The following DPH6 variants were observed in gnomAD, a reference collection of about 807,000 sequenced individuals.
DPH6 encodes the protein diphthamine biosynthesis 6.
A neutral mutation model predicts 38.2 loss-of-function variants in DPH6; 33 were observed. The ratio of observed to expected loss-of-function variants is 0.86; its 90% CI spans 0.65 to 1.15. The LOEUF (loss-of-function observed/expected upper bound fraction) is 1.15, where lower values mean the gene tolerates loss of function less well. Ranked by LOEUF, DPH6 falls within the 50% of genes most tolerant of loss-of-function variation. The probability of loss-of-function intolerance (pLI) is 0.00; values close to 1 mark genes in which losing one functional copy is unlikely to be tolerated. For missense variants in DPH6, 325 were observed against 320.0 expected (o/e 1.02, Z -0.12); for synonymous variants, 108 against 103.0 (o/e 1.05, Z -0.30).
chr15:35,279,919 A>T (rs573742303), intron 3 of DPH6, among the ~76,000 whole-genome samples: 2 of 152,206 alleles, frequency 1.3e-5, no homozygotes, highest in South Asian at 4.2e-4. Flanking sequence ...AGCTAATCCA[A>T]TAGGACTGAT....
chr15:35,223,522 T>C (rs565908720), intron 3 of DPH6, among the ~76,000 whole-genome samples: 4 of 152,198 alleles, frequency 2.6e-5, no homozygotes, highest in Admixed American at 1.3e-4. Context: ...CCGTCTCTAC[T>C]AAAAATACAA....
At chr15:35,540,771 T>TTA (rs1260987803) in intron 2 of DPH6, among the ~76,000 whole-genome samples, 1 of 152,252 alleles carries the variant, frequency 6.6e-6, no homozygotes, top group African/African-American at 2.4e-5. Flanking sequence ...ACAAGGAAGA[T>TTA]TATATATTAA....
At chr15:35,168,278 T>C in the DPH6 span, among the ~76,000 whole-genome samples, 1 of 152,082 alleles carries the variant, frequency 6.6e-6, no homozygotes, top group Non-Finnish European at 1.5e-5. Context: ...AACTGGCCTA[T>C]ATTTTATTTT....
intron 3 of DPH6, chr15:35,538,027 C>T (rs547855015): frequency 4.3e-4 from 118 of 274,504 alleles, no homozygotes; most frequent in African/African-American, 2.5e-3. Flanking sequence ...GAACAGAAAA[C>T]TTATTTTAAT....
At chr15:35,476,948 G>A (rs2054270998) in intron 3 of DPH6, among the ~76,000 whole-genome samples, 1 of 151,486 alleles carries the variant, frequency 6.6e-6, no homozygotes, top group African/African-American at 2.4e-5. Context: ...AACATTTTCT[G>A]CTCTAAAAAT....
At chr15:35,356,018 C>T (rs1255701838) in intron 3 of DPH6, among the ~76,000 whole-genome samples, 2 of 152,204 alleles carry the variant, frequency 1.3e-5, no homozygotes, top group African/African-American at 4.8e-5. Context: ...TCTGTTCTCA[C>T]TTCATTTCAT....
At chr15:35,500,428 A>G (rs943075716) in intron 3 of DPH6, among the ~76,000 whole-genome samples, 2 of 152,194 alleles carry the variant, frequency 1.3e-5, no homozygotes, top group African/African-American at 4.8e-5. Flanking sequence ...TCAGAACTGC[A>G]TCTGCCTGGT....
At chr15:35,377,551 G>A (rs994190711) in intron 7 of DPH6, among the ~76,000 whole-genome samples, 1 of 152,068 alleles carries the variant, frequency 6.6e-6, no homozygotes, top group South Asian at 2.1e-4. Context: ...TAATAAGAGA[G>A]CAGGTTTCTA....
intron 3 of DPH6, among the ~76,000 whole-genome samples, chr15:35,510,252 A>G (rs1159110769): frequency 6.6e-6 from 1 of 152,132 alleles, no homozygotes; most frequent in African/African-American, 2.4e-5. Context: ...GATGATGGTC[A>G]CATTTGACTA....
intron 3 of DPH6, among the ~76,000 whole-genome samples, chr15:35,481,036 G>T (rs1391204546): frequency 6.6e-6 from 1 of 151,692 alleles, no homozygotes; most frequent in African/African-American, 2.4e-5. Flanking sequence ...TTGTCCAACA[G>T]AACTTTTTGT....
chr15:35,490,634 A>G (rs2054463989), intron 3 of DPH6, among the ~76,000 whole-genome samples: 1 of 152,182 alleles, frequency 6.6e-6, no homozygotes, highest in Non-Finnish European at 1.5e-5. Flanking sequence ...CTTCACTACA[A>G]TATCAACAAC....
intron 3 of DPH6, among the ~76,000 whole-genome samples, chr15:35,235,068 A>T (rs1185655364): frequency 1.3e-5 from 2 of 152,190 alleles, no homozygotes; most frequent in East Asian, 3.8e-4. Context: ...GTATCTGGGA[A>T]ACAACCTTTA....
At chr15:35,207,460 G>C in the DPH6 span, among the ~76,000 whole-genome samples, 1 of 152,074 alleles carries the variant, frequency 6.6e-6, no homozygotes, top group Non-Finnish European at 1.5e-5. Flanking sequence ...AGAACCAAAA[G>C]ATTCCTGGAA....
At chr15:35,532,433 T>C (rs902650008) in intron 3 of DPH6, among the ~76,000 whole-genome samples, 2 of 152,092 alleles carry the variant, frequency 1.3e-5, no homozygotes, top group African/African-American at 4.8e-5. Flanking sequence ...TTAGAAGTCA[T>C]ACCAGCATTA....
At chr15:35,440,523 A>T (rs543675295) in intron 5 of DPH6, among the ~76,000 whole-genome samples, 26 of 152,176 alleles carry the variant, frequency 1.7e-4, no homozygotes, top group Admixed American at 1.0e-3. Context: ...GGGAGATCTG[A>T]TTCTGTCTTC....
the DPH6 span, among the ~76,000 whole-genome samples, chr15:35,177,619 A>G: frequency 1.4e-5 from 2 of 147,416 alleles, no homozygotes; most frequent in African/African-American, 5.0e-5. Context: ...CATCATCATC[A>G]TCATCATCAT....
intron 3 of DPH6, among the ~76,000 whole-genome samples, chr15:35,515,406 A>C (rs1287201300): frequency 1.3e-5 from 2 of 151,892 alleles, no homozygotes; most frequent in East Asian, 3.9e-4. Flanking sequence ...CAGCCTGGGT[A>C]ACACAACAAG....
In DPH6 at chr15:35,365,872, C is replaced by A. The variant is rs913547969; in HGVS notation, n.207+7649G>T. 4 of 985,152 alleles carry A rather than the reference C, an allele frequency of 4.1e-6. No homozygotes were observed. The African/African-American group carries it at 7.0e-5, about 17-fold the overall frequency. The allele number at this position is 985,152 out of a possible 1,614,324, so 61.0% of individuals were successfully genotyped here. ...CCCAGCAGTACCTACAGCCCAGCAC[C>A]CATTCAAGCCCCAAGTTGTCTCATT... On this transcript the variant is annotated intron_variant and non_coding_transcript_variant, in intron 3 of 3. Transcript: ENST00000558973.
intron 5 of DPH6, among the ~76,000 whole-genome samples, chr15:35,413,227 C>T (rs891661653): frequency 1.6e-4 from 24 of 151,552 alleles, no homozygotes; most frequent in Admixed American, 1.3e-4. Context: ...CATTTCTGCT[C>T]GAATGAAAGT....
Sources: gnomAD v4.1 joint callset for allele counts (sites outside exome capture counted in the v4.1 genomes callset) on GRCh38, gnomAD v4.1.1 for gene constraint, MANE v1.5 for transcripts, NCBI Gene and HGNC (gene_info 2026-07-23, HGNC 2026-07-21) for gene names.